The following PHF19 variants were observed in gnomAD, a reference collection of about 807,000 sequenced individuals.
PHF19 encodes polycomb like 3.
Under a neutral mutation model 79.8 loss-of-function variants are expected in PHF19, and 21 were observed. The observed-to-expected ratio is 0.26, with a 90% confidence interval of 0.19 to 0.38. The LOEUF (loss-of-function observed/expected upper bound fraction) is 0.38, where lower values mean the gene tolerates loss of function less well. Ranked by LOEUF, PHF19 falls within the 10% of genes least tolerant of loss-of-function variation. PHF19 has a pLI of 1.00. For synonymous variants in PHF19, 273 were observed against 296.3 expected (o/e 0.92, Z 0.81); for missense variants, 445 against 744.2 (o/e 0.60, Z 4.68).
upstream of PHF19, among the ~76,000 whole-genome samples, chr9:120,878,817 C>T (rs1044849634): frequency 1.3e-5 from 2 of 152,220 alleles, no homozygotes; most frequent in Non-Finnish European, 2.9e-5. Flanking sequence ...CTGGAGAGCA[C>T]ATTTTCAAGT....
At chr9:120,864,815 T>C (rs1481731078) in intron 9 of PHF19, among the ~76,000 whole-genome samples, 1 of 152,144 alleles carries the variant, frequency 6.6e-6, no homozygotes. Context: ...AAGATATACA[T>C]AGAAGAGAGT....
At chr9:120,876,426 G>GCCGGGCGGGGGCCCCCGGGTGGCGC (rs2046055241) in intron 1 of PHF19, 1 of 151,886 alleles carries the variant, frequency 6.6e-6, no homozygotes, top group Admixed American at 6.5e-5. Flanking sequence ...CTCCACCCTG[G>GCCGGGCGGGGGCCCCCGGGTGGCGC]CCGGGCGGGG....
At chr9:120,894,036 G>A (rs1177628311) in intron 1 of PHF19, among the ~76,000 whole-genome samples, 1 of 152,144 alleles carries the variant, frequency 6.6e-6, no homozygotes, top group African/African-American at 2.4e-5. Flanking sequence ...ACAAGCCCAG[G>A]GGTGATCCCA....
chr9:120,867,008 C>T (rs2045723474), intron 6 of PHF19, 43 bp from the exon 7 acceptor site: 3 of 1,184,650 alleles, frequency 2.5e-6, no homozygotes, highest in Non-Finnish European at 3.8e-6. Flanking sequence ...ACCACACCCC[C>T]AGTCAGGTAT....
Position 120,869,350 on chromosome 9 carries a change from C to T in PHF19, c.466-20G>A, listed in dbSNP as rs765680104. ...GCCTTTCTGGGGGGAGACGAGGGCCCCAGTCAACCACCAGGTCCGGGTGGA... is the reference window on the plus strand; with the variant it reads ...GCCTTTCTGGGGGGAGACGAGGGCCTCAGTCAACCACCAGGTCCGGGTGGA... On this transcript the variant is annotated intron_variant, in intron 5 of 14. Transcript: ENST00000373896. This position sits in a 1 kb window ranked among gnomAD's most constrained non-coding sequence, Gnocchi z 5.8. 1.6e-5 allele frequency: 26 copies of T among 1,608,688 alleles called. No homozygotes were observed. The highest frequency in any genetic ancestry group is 2.1e-5 in the Non-Finnish European group (25 of 1,178,390).
chr9:120,859,741 C>G (rs1179393101), intron 14 of PHF19, among the ~76,000 whole-genome samples: 1 of 152,176 alleles, frequency 6.6e-6, no homozygotes, highest in Non-Finnish European at 1.5e-5. Flanking sequence ...CAGAGAGACA[C>G]CCAAGCTCAT....
chr9:120,902,037 C>A, the PHF19 span, among the ~76,000 whole-genome samples: 5 of 152,278 alleles, frequency 3.3e-5, 1 homozygote, highest in East Asian at 5.8e-4. Context: ...TTCTGGTATA[C>A]ACAGTGCAGA....
Position 120,858,184 on chromosome 9 carries a change from G to A in PHF19, c.1503C>T (p.Asp501=). The A allele has an allele frequency of 6.2e-7, 1 of 1,602,558 alleles. No homozygotes were observed. Among genetic ancestry groups the A allele is most frequent in the Non-Finnish European group, 8.5e-7 (1 of 1,170,756 alleles). The part of the protein sequence containing the change: ...AAELDGRCPS[D]SSAEGASVPE... The stretch of plus-strand genomic sequence containing the variant: ...GGACTGAAGCCCCCTCTGCACTGCT[G>A]TCCGAGGGGCAGCGTCCATCCAGCT... The change falls in exon 15 of 15, where the codon GAC becomes GAT. Residue 501 remains aspartate, a synonymous_variant. Transcript: ENST00000373896.
Position 120,856,388 on chromosome 9 carries a change from T to A in PHF19, c.*1556A>T, listed in dbSNP as rs2045361312. The A allele has an allele frequency of 6.6e-6, 1 of 152,624 alleles. No individual in the cohort carries two copies. Among genetic ancestry groups the A allele is most frequent in the Non-Finnish European group, 1.5e-5 (1 of 68,068 alleles). The allele number at this position is 152,624 out of a possible 1,614,324, so 9.5% of individuals were successfully genotyped here. A position where few individuals can be genotyped will look rare whatever the true frequency, so the allele number is the denominator to read the frequency against. ...TCCTGCAGGCCTGCTGCCCCGCCAGTGCCTCTTGCTGTACTACCACCTTCG... is the reference window on the plus strand; with the variant it reads ...TCCTGCAGGCCTGCTGCCCCGCCAGAGCCTCTTGCTGTACTACCACCTTCG... On this transcript the variant is annotated 3_prime_UTR_variant, in exon 15 of 15. Transcript: ENST00000373896.
chr9:120,865,657 C>T lies in PHF19; in HGVS notation c.900+53G>A, dbSNP rs1160234926. ...TCCATCCTAGTCCTGCACTGCGTGG[C>T]CCTGGGCAAACCTCTCTGCCTCCTG... On this transcript the variant is annotated intron_variant, in intron 9 of 14. Coordinates refer to ENST00000373896, the MANE Select transcript of PHF19 (RefSeq NM_015651.3). 3.1e-6 allele frequency: 5 copies of T among 1,609,916 alleles called. No individual in the cohort carries two copies. The African/African-American group carries it at 5.3e-5, about 17-fold the overall frequency.
At chr9:120,895,350 G>T (rs2131604331), upstream of PHF19, among the ~76,000 whole-genome samples, 1 of 152,056 alleles carries the variant, frequency 6.6e-6, no homozygotes, top group East Asian at 1.9e-4. Context: ...ACTTAGGGAT[G>T]GAGAGGTGGG....
chr9:120,873,843 C>A (rs10985070), intron 3 of PHF19, 136 bp downstream of exon 3: 344,717 of 631,026 alleles, frequency 0.55, 98,079 homozygotes, highest in South Asian at 0.68. Context: ...ATCATCATCA[C>A]AGGTGGGCTT....
intron 1 of PHF19, among the ~76,000 whole-genome samples, chr9:120,885,452 C>T (rs1051329397): frequency 2.6e-5 from 4 of 152,084 alleles, no homozygotes; most frequent in Non-Finnish European, 5.9e-5. Context: ...GTGATGTGCG[C>T]CTGTAATCCC....
intron 1 of PHF19, among the ~76,000 whole-genome samples, chr9:120,893,805 C>A (rs908534952): frequency 1.3e-5 from 2 of 152,216 alleles, no homozygotes; most frequent in Non-Finnish European, 2.9e-5. Context: ...TCATATAGAT[C>A]CCTGCGATGG....
rs529239751 is a variant in PHF19 at position 120,861,686 on chromosome 9, G to A, written c.1218+232C>T. 1.1e-3 allele frequency among the ~76,000 whole-genome samples: 165 copies of A among 152,268 alleles called. 1 individual carries two copies. The highest frequency in any genetic ancestry group is 1.7e-3 in the Admixed American group (26 of 15,300). ...CCCTCAGTGTCCCTACCTGGACAGTGGGGACAAGAATATTACCTGCCTTTG... is the reference window on the plus strand; with the variant it reads ...CCCTCAGTGTCCCTACCTGGACAGTAGGGACAAGAATATTACCTGCCTTTG... On this transcript the variant is annotated intron_variant, in intron 12 of 14. Transcript: ENST00000373896.
intron 3 of PHF19, among the ~76,000 whole-genome samples, chr9:120,872,064 A>AAAAAAAAAAAT (rs2045918741): frequency 6.7e-6 from 1 of 149,200 alleles, no homozygotes; most frequent in Non-Finnish European, 1.5e-5. Context: ...AAAAAAAAAA[A>AAAAAAAAAAAT]AAAAGAAATG....
intron 14 of PHF19, 120 bp downstream of exon 14, chr9:120,859,970 C>G (rs1030319689): frequency 3.0e-6 from 2 of 661,364 alleles, no homozygotes; most frequent in African/African-American, 3.6e-5. Flanking sequence ...AGGCCAGGTA[C>G]TCCCCGCCAG....
At position 120,862,578 on chromosome 9, in the gene PHF19, G is replaced by C; in HGVS notation, c.1130+10C>G. 6.2e-7 allele frequency: 1 copy of C among 1,611,376 alleles called. No homozygotes were observed. The highest frequency in any genetic ancestry group is 8.5e-7 in the Non-Finnish European group (1 of 1,178,752). ...CGGCAGCCCTGGCCCCTGGGTCCCCGAGCACTGACCCAGGCTTGCTCTTTC... is the reference window on the plus strand; with the variant it reads ...CGGCAGCCCTGGCCCCTGGGTCCCCCAGCACTGACCCAGGCTTGCTCTTTC... On this transcript the variant is annotated intron_variant, in intron 11 of 14. Coordinates refer to ENST00000373896, the MANE Select transcript of PHF19 (RefSeq NM_015651.3). The surrounding 1 kb of genome is among the most constrained non-coding windows in gnomAD (Gnocchi z 4.6).
At chr9:120,886,724 G>T (rs777557698) in intron 1 of PHF19, among the ~76,000 whole-genome samples, 123 of 152,314 alleles carry the variant, frequency 8.1e-4, no homozygotes, top group Middle Eastern at 6.8e-3. Context: ...TGACCCCTCT[G>T]TGATGGTCAA....
Sources: allele counts gnomAD v4.1 joint callset (sites outside exome capture counted in the v4.1 genomes callset), GRCh38; gene constraint gnomAD v4.1.1; non-coding constraint Gnocchi (gnomAD v3.1); transcripts MANE v1.5; gene names NCBI Gene and HGNC (gene_info 2026-07-23, HGNC 2026-07-21).